RASGRP1: variants seen among roughly 807,000 people sequenced by gnomAD.
RASGRP1 encodes RAS guanyl-releasing protein 1.
In RASGRP1, 37 loss-of-function variants were observed where a neutral mutation model predicts 95.1. The ratio of observed to expected loss-of-function variants is 0.39; its 90% CI spans 0.30 to 0.51. The LOEUF is 0.51. RASGRP1 is among the 20% of genes least tolerant of loss of function. The pLI, the probability that RASGRP1 is intolerant of heterozygous loss-of-function variation, is 0.80. For synonymous variants in RASGRP1, 325 were observed against 353.4 expected (o/e 0.92, Z 0.90); for missense variants, 711 against 965.4 (o/e 0.74, Z 3.49).
At chr15:38,557,272 G>A (rs1398972043) in intron 2 of RASGRP1, among the ~76,000 whole-genome samples, 1 of 152,174 alleles carries the variant, frequency 6.6e-6, no homozygotes, top group African/African-American at 2.4e-5. Context: ...CCCCATAGAT[G>A]GGTCAACTGA....
intron 4 of RASGRP1, among the ~76,000 whole-genome samples, chr15:38,518,861 C>T (rs62003617): frequency 0.011 from 1,706 of 151,998 alleles, 20 homozygotes; most frequent in Non-Finnish European, 0.019. Context: ...TGCTATAAAG[C>T]TAAGTGAAAA....
At chr15:38,542,845 ATATG>A (rs1433951067) in intron 2 of RASGRP1, among the ~76,000 whole-genome samples, 33 of 127,030 alleles carry the variant, frequency 2.6e-4, no homozygotes, top group African/African-American at 9.1e-4. Context: ...GTATATATAT[ATATG>A]TGTATATATA....
At chr15:38,557,599 A>ATGTGTGTG (rs1228086838) in intron 2 of RASGRP1, among the ~76,000 whole-genome samples, 1 of 119,334 alleles carries the variant, frequency 8.4e-6, no homozygotes, top group South Asian at 2.7e-4. Context: ...CTTTGTATAT[A>ATGTGTGTG]TATGTGTGTG....
chr15:38,516,929 A>T (rs532212136), intron 5 of RASGRP1, among the ~76,000 whole-genome samples: 1 of 151,698 alleles, frequency 6.6e-6, no homozygotes, highest in Admixed American at 6.6e-5. Context: ...AGCCTAGCTG[A>T]CCCTAGAGTG....
At chr15:38,492,103 C>CGAGGTTTCTTTCATCATTTTTA (rs1890608048) in intron 16 of RASGRP1, among the ~76,000 whole-genome samples, 1 of 152,118 alleles carries the variant, frequency 6.6e-6, no homozygotes, top group Non-Finnish European at 1.5e-5. Context: ...GTTCATTTTT[C>CGAGGTTTCTTTCATCATTTTTA]GAGGTTTCTT....
intron 11 of RASGRP1, among the ~76,000 whole-genome samples, 173 bp from the exon 12 acceptor site, chr15:38,502,594 A>G (rs983163829): frequency 2.0e-5 from 3 of 152,198 alleles, no homozygotes; most frequent in Non-Finnish European, 4.4e-5. Context: ...GTCACATCTC[A>G]GGCCTTTGCT....
At position 38,562,980 on chromosome 15, in the gene RASGRP1, A is replaced by T. The variant is rs77215869; in HGVS notation, c.35+1614T>A. 6.9e-3 allele frequency among the ~76,000 whole-genome samples: 1,057 copies of T among 152,340 alleles called. 13 individuals carry two copies. The highest frequency in any genetic ancestry group is 0.024 in the African/African-American group (1,000 of 41,572). On this transcript the variant is annotated intron_variant, in intron 1 of 16. Coordinates refer to ENST00000310803, the MANE Select transcript of RASGRP1 (RefSeq NM_005739.4). ...GGGTGACAAAAGCAATCTGGGAAGT[A>T]TGGAGCCCAGAGAGACTCAGAGGAC...
intron 3 of RASGRP1, among the ~76,000 whole-genome samples, chr15:38,522,176 G>C (rs4923799): frequency 0.16 from 23,821 of 152,140 alleles, 2,098 homozygotes; most frequent in East Asian, 0.42. Context: ...AGAGTCTAGC[G>C]GGGGAGACGA....
chr15:38,506,264 G>C (rs3935641), intron 9 of RASGRP1, among the ~76,000 whole-genome samples: 13,989 of 152,248 alleles, frequency 0.092, 818 homozygotes, highest in South Asian at 0.17. Flanking sequence ...AGGATGGTGT[G>C]TATAGTCTGA....
chr15:38,557,629 G>GTGTATATA (rs745934661), intron 2 of RASGRP1, among the ~76,000 whole-genome samples: 46 of 147,368 alleles, frequency 3.1e-4, no homozygotes, highest in African/African-American at 1.1e-3. Flanking sequence ...GTGTGTGTGT[G>GTGTATATA]TATATATATA....
rs1890472735 is a variant in RASGRP1, at chr15:38,489,206, G to A, written c.*1348C>T. Reference sequence around the variant, plus strand: ...AGTCAGTCTGGTACCAGACTTTATAGGCATGGAAGCTAAGTACCCCCAAAA... The same window carrying A: ...AGTCAGTCTGGTACCAGACTTTATAAGCATGGAAGCTAAGTACCCCCAAAA... On this transcript the variant is annotated 3_prime_UTR_variant, in exon 17 of 17. Coordinates refer to ENST00000310803, the MANE Select transcript of RASGRP1 (RefSeq NM_005739.4). 1 of 151,516 alleles carries A rather than the reference G, an allele frequency of 6.6e-6. No homozygotes were observed. The highest frequency in any genetic ancestry group is 1.5e-5 in the Non-Finnish European group (1 of 67,798). The allele number at this position is 151,516 out of a possible 1,614,324, so 9.4% of individuals were successfully genotyped here. A position where few individuals can be genotyped will look rare whatever the true frequency, so the allele number is the denominator to read the frequency against.
intron 3 of RASGRP1, among the ~76,000 whole-genome samples, chr15:38,525,717 C>CT (rs1892193294): frequency 6.6e-6 from 1 of 152,180 alleles, no homozygotes; most frequent in Admixed American, 6.5e-5. Flanking sequence ...TTTGTGGGGG[C>CT]TGCTGCTTAC....
At chr15:38,538,864 C>T (rs1340830391) in intron 2 of RASGRP1, among the ~76,000 whole-genome samples, 1 of 152,140 alleles carries the variant, frequency 6.6e-6, no homozygotes, top group Non-Finnish European at 1.5e-5. Context: ...GTTCACACCA[C>T]GGATGTCTGG....
At chr15:38,537,802 T>G (rs1282653785) in intron 2 of RASGRP1, among the ~76,000 whole-genome samples, 1 of 151,774 alleles carries the variant, frequency 6.6e-6, no homozygotes, top group African/African-American at 2.4e-5. Context: ...TTAAGCGCAC[T>G]CCCCCAACGC....
intron 10 of RASGRP1, among the ~76,000 whole-genome samples, chr15:38,505,603 T>C (rs957101299): frequency 2.1e-5 from 3 of 146,312 alleles, no homozygotes; most frequent in African/African-American, 4.9e-5. Context: ...TCACTAGTTA[T>C]TCACTGGTCA....
At chr15:38,536,353 C>T (rs1892645429) in intron 2 of RASGRP1, among the ~76,000 whole-genome samples, 1 of 152,118 alleles carries the variant, frequency 6.6e-6, no homozygotes, top group Admixed American at 6.5e-5. Context: ...GGCAAAGGGC[C>T]AGTGGACCCA....
At chr15:38,502,492 A>G in intron 11 of RASGRP1, 71 bp from the exon 12 acceptor site, 1 of 950,356 alleles carries the variant, frequency 1.1e-6, no homozygotes, top group Non-Finnish European at 1.6e-6. Context: ...TCAAATGACA[A>G]AGAGCTGGGG....
chr15:38,536,114 G>GTCCCA (rs1302888604), intron 2 of RASGRP1, among the ~76,000 whole-genome samples: 3 of 152,198 alleles, frequency 2.0e-5, no homozygotes, highest in Non-Finnish European at 4.4e-5. Flanking sequence ...CTTCTTCTGG[G>GTCCCA]TCCCATCAAA....
Position 38,500,088 on chromosome 15 carries a change from A to G in RASGRP1, c.1720+15T>C. On this transcript the variant is annotated intron_variant, in intron 14 of 16. Coordinates refer to ENST00000310803, the MANE Select transcript of RASGRP1 (RefSeq NM_005739.4). Reference sequence around the variant, plus strand: ...ACTGATACACCAGGAATATGTCAACAATATTGAGTCTTACCTTTACATCGA... The same window carrying G: ...ACTGATACACCAGGAATATGTCAACGATATTGAGTCTTACCTTTACATCGA... The G allele has an allele frequency of 6.2e-7, 1 of 1,611,798 alleles. No individual in the cohort carries two copies. Among genetic ancestry groups the G allele is most frequent in the Non-Finnish European group, 8.5e-7 (1 of 1,178,936 alleles).
Sources: gnomAD v4.1 joint callset for allele counts (sites outside exome capture counted in the v4.1 genomes callset) on GRCh38, gnomAD v4.1.1 for gene constraint, MANE v1.5 for transcripts, NCBI Gene and HGNC (gene_info 2026-07-23, HGNC 2026-07-21) for gene names.